The following ZNF385D variants were observed in gnomAD, a reference collection of about 807,000 sequenced individuals.
ZNF385D encodes the protein zinc finger protein 659.
Under a neutral mutation model 35.8 loss-of-function variants are expected in ZNF385D, and 15 were observed. The observed-to-expected ratio is 0.42, with a 90% CI of 0.28 to 0.64. The LOEUF (loss-of-function observed/expected upper bound fraction) is 0.64, where lower values mean the gene tolerates loss of function less well. ZNF385D is among the 30% of genes least tolerant of loss of function. The pLI is 0.23. For missense variants in ZNF385D, 474 were observed against 494.6 expected (o/e 0.96, Z 0.39); for synonymous variants, 212 against 186.8 (o/e 1.13, Z -1.10).
intron 2 of ZNF385D, among the ~76,000 whole-genome samples, chr3:21,598,800 C>G (rs1268778784): frequency 1.3e-5 from 2 of 152,174 alleles, no homozygotes; most frequent in Non-Finnish European, 2.9e-5. Context: ...GACATATGTT[C>G]TCATGACCTC....
intron 3 of ZNF385D, among the ~76,000 whole-genome samples, chr3:22,014,491 A>G (rs551183630): frequency 3.7e-4 from 57 of 152,266 alleles, no homozygotes; most frequent in African/African-American, 1.3e-3. Flanking sequence ...AACAAAACAC[A>G]AACTACCAAT....
At chr3:22,326,414 T>C (rs1039581631) in intron 2 of ZNF385D, among the ~76,000 whole-genome samples, 1 of 152,188 alleles carries the variant, frequency 6.6e-6, no homozygotes, top group African/African-American at 2.4e-5. Context: ...GCCAGGGGTC[T>C]AGCCTATCTT....
At chr3:21,516,996 T>C in intron 3 of ZNF385D, among the ~76,000 whole-genome samples, 1 of 152,282 alleles carries the variant, frequency 6.6e-6, no homozygotes, top group Non-Finnish European at 1.5e-5. Context: ...ATTTATTAAA[T>C]TTTAGCTTAG....
Position 21,413,017 on chromosome 3 carries a change from A to AATTATT in ZNF385D, c.*8191_*8196dup, listed in dbSNP as rs71044915. On this transcript the variant is annotated 3_prime_UTR_variant, in exon 8 of 8. Coordinates refer to ENST00000281523, the MANE Select transcript of ZNF385D (RefSeq NM_024697.3). ...TAAAACAAACTATGTGAATTGCCTT[A>AATTATT]ATTATTATTATTATTACTTTTTTTC... 6.6e-6 allele frequency: 1 copy of AATTATT among 151,486 alleles called. No individual in the cohort carries two copies. The highest frequency in any genetic ancestry group is 2.1e-4 in the South Asian group (1 of 4,802). The allele number at this position is 151,486 out of a possible 1,614,324, so 9.4% of individuals were successfully genotyped here. A position where few individuals can be genotyped will look rare whatever the true frequency, so the allele number is the denominator to read the frequency against.
intron 3 of ZNF385D, among the ~76,000 whole-genome samples, chr3:21,760,883 T>C (rs1265909211): frequency 6.6e-6 from 1 of 152,184 alleles, no homozygotes; most frequent in East Asian, 1.9e-4. Flanking sequence ...AAATATAATT[T>C]ATTTATATTT....
intron 3 of ZNF385D, among the ~76,000 whole-genome samples, chr3:21,957,378 G>A (rs767176813): frequency 9.9e-5 from 15 of 152,092 alleles, no homozygotes; most frequent in African/African-American, 2.4e-4. Context: ...AGATTGGAGC[G>A]CTCAGAAAAA....
At chr3:21,909,030 G>C (rs926577172) in intron 3 of ZNF385D, among the ~76,000 whole-genome samples, 10 of 151,972 alleles carry the variant, frequency 6.6e-5, no homozygotes, top group African/African-American at 2.4e-4. Flanking sequence ...CAGAAGTACA[G>C]TTTTCAGCAT....
intron 3 of ZNF385D, among the ~76,000 whole-genome samples, chr3:22,123,597 C>T (rs1010419661): frequency 2.6e-5 from 4 of 152,154 alleles, no homozygotes; most frequent in Admixed American, 6.5e-5. Flanking sequence ...CGGTGGCTGA[C>T]GCCTTTAATC....
chr3:22,110,905 A>G (rs1394950238), intron 3 of ZNF385D, among the ~76,000 whole-genome samples: 1 of 152,122 alleles, frequency 6.6e-6, no homozygotes, highest in African/African-American at 2.4e-5. Context: ...TTTAGCTGAG[A>G]GTCTTGAATA....
chr3:22,189,912 C>T (rs141961743), intron 2 of ZNF385D, among the ~76,000 whole-genome samples: 4 of 152,096 alleles, frequency 2.6e-5, no homozygotes, highest in African/African-American at 9.7e-5. Context: ...TTAGGATATT[C>T]CAGAAGTGAG....
intron 2 of ZNF385D, among the ~76,000 whole-genome samples, chr3:22,188,733 AG>A (rs1372075457): frequency 3.3e-5 from 5 of 152,196 alleles, no homozygotes; most frequent in African/African-American, 1.2e-4. Flanking sequence ...TACAGGCATG[AG>A]CCACCGCGCC....
At chr3:21,985,359 G>T (rs1205522465) in intron 3 of ZNF385D, among the ~76,000 whole-genome samples, 8 of 115,136 alleles carry the variant, frequency 6.9e-5, no homozygotes, top group Admixed American at 5.5e-4. Context: ...CTAATTTCTT[G>T]AGAGTTTTTA....
chr3:22,113,686 G>T (rs1334293044), intron 3 of ZNF385D, among the ~76,000 whole-genome samples: 2 of 151,938 alleles, frequency 1.3e-5, no homozygotes, highest in Non-Finnish European at 2.9e-5. Flanking sequence ...CCAGGGATGA[G>T]GTATTGACCA....
intron 2 of ZNF385D, among the ~76,000 whole-genome samples, chr3:22,306,226 C>G (rs974257122): frequency 6.6e-6 from 1 of 151,986 alleles, no homozygotes; most frequent in African/African-American, 2.4e-5. Context: ...AATTTGACAG[C>G]GGTGTCAGGG....
chr3:21,533,021 A>G (rs1052217480), intron 3 of ZNF385D, among the ~76,000 whole-genome samples: 2 of 152,190 alleles, frequency 1.3e-5, no homozygotes, highest in Admixed American at 1.3e-4. Flanking sequence ...TGTGTATTCT[A>G]TGAAGATGGA....
At chr3:21,883,217 G>A (rs1698368289) in intron 3 of ZNF385D, among the ~76,000 whole-genome samples, 1 of 151,686 alleles carries the variant, frequency 6.6e-6, no homozygotes, top group Non-Finnish European at 1.5e-5. Flanking sequence ...TTTTTATTAT[G>A]TGATTATTTG....
intron 2 of ZNF385D, among the ~76,000 whole-genome samples, chr3:21,594,540 G>A (rs550544274): frequency 4.6e-5 from 7 of 152,152 alleles, no homozygotes; most frequent in East Asian, 1.9e-4. Context: ...ATCAAAGCCC[G>A]GAAAGGTGCA....
intron 3 of ZNF385D, among the ~76,000 whole-genome samples, chr3:22,074,989 A>C (rs1257964918): frequency 6.6e-6 from 1 of 151,938 alleles, no homozygotes; most frequent in African/African-American, 2.4e-5. Flanking sequence ...CTAAAGTTTG[A>C]GAATCATATT....
intron 2 of ZNF385D, among the ~76,000 whole-genome samples, chr3:22,229,908 C>T (rs1321899085): frequency 3.3e-5 from 5 of 152,196 alleles, no homozygotes; most frequent in Non-Finnish European, 5.9e-5. Context: ...GGAATTGAGG[C>T]TCAACATTGT....
Sources: gnomAD v4.1 joint callset for allele counts (sites outside exome capture counted in the v4.1 genomes callset) on GRCh38, gnomAD v4.1.1 for gene constraint, MANE v1.5 for transcripts, NCBI Gene and HGNC (gene_info 2026-07-23, HGNC 2026-07-21) for gene names.